Variants in ANK2 observed in about 807,000 individuals in gnomAD.
ANK2 encodes ankyrin 2, also known as ankyrin-2.
In ANK2, 83 loss-of-function variants were observed where a neutral mutation model predicts 360.5. The observed-to-expected ratio is 0.23, with a 90% confidence interval of 0.19 to 0.28. The LOEUF (loss-of-function observed/expected upper bound fraction) is 0.28. Among genes scored for constraint, ANK2 ranks in the 10% least tolerant of loss-of-function variants. The pLI is 1.00. For missense variants in ANK2, 4,201 were observed against 4,795.7 expected, an observed-to-expected ratio of 0.88 and a Z score of 3.66; for synonymous variants, 1,740 against 1,759.5, an observed-to-expected ratio of 0.99 and a Z score of 0.28.
the ANK2 span, among the ~76,000 whole-genome samples, chr4:112,786,551 C>T: frequency 6.6e-6 from 1 of 151,846 alleles, no homozygotes; most frequent in Admixed American, 6.6e-5. Context: ...TGTGCACCAC[C>T]ACACCCAGCT....
rs1197349405 is a variant in ANK2 at position 113,353,159 on chromosome 4, T to C, written c.4541T>C (p.Leu1514Ser). 6.2e-7 allele frequency: 1 copy of C among 1,614,068 alleles called. No homozygotes were observed. Residue 1514 changes from leucine (L) to serine (S), a missense_variant, in exon 38 of 46, where the codon TTG becomes TCG. This residue lies in a region of ANK2 where 1,268 missense variants were observed against 1,650.8 expected (regional missense o/e 0.77). Transcript: ENST00000357077. ...LSEVSEMKQD[L>S]IKMTAILTTD... ...GAAGTTTCTGAGATGAAACAAGATT[T>C]GATCAAAATGACCGCCATCTTGACC...
chr4:113,150,934 A>G (rs1220579296), intron 1 of ANK2: 2 of 514,942 alleles, frequency 3.9e-6, no homozygotes, highest in Non-Finnish European at 6.1e-6. Flanking sequence ...ATTAGGTTGT[A>G]GTCTGCATAT....
chr4:112,767,082 C>T, the ANK2 span, among the ~76,000 whole-genome samples: 2 of 152,204 alleles, frequency 1.3e-5, no homozygotes, highest in African/African-American at 2.4e-5. Flanking sequence ...AGCATCATCT[C>T]TTTCTTACCA....
At chr4:112,833,252 C>T (rs183454857) in intron 1 of ANK2, among the ~76,000 whole-genome samples, 49 of 152,300 alleles carry the variant, frequency 3.2e-4, no homozygotes, top group African/African-American at 1.0e-3. Context: ...GGAAATAATA[C>T]GCTGAAATGC....
chr4:113,333,086 C>G lies in ANK2; in HGVS notation c.3257C>G (p.Ala1086Gly), dbSNP rs2153942379. The change falls in exon 29 of 46, where the codon GCC (alanine) becomes GGC (glycine). Residue 1086 changes from alanine to glycine, a missense_variant. Around this residue, in one of 4 missense-constraint regions of ANK2, gnomAD observed 1,268 missense variants for 1,650.8 expected, o/e 0.77. Coordinates refer to ENST00000357077, the MANE Select transcript of ANK2 (RefSeq NM_001148.6). ...PVIVEIPHFAALRGKERELVV... is the reference protein window; with the variant it reads ...PVIVEIPHFAGLRGKERELVV... ...ATCGTGGAGATCCCTCACTTTGCGG[C>G]CCTTCGAGGAAAGGAAAGGGAACTG... is the stretch of plus-strand genomic sequence containing the variant. 6.2e-7 allele frequency: 1 copy of G among 1,614,110 alleles called. No individual in the cohort carries two copies. Among genetic ancestry groups the G allele is most frequent in the South Asian group, 1.1e-5 (1 of 91,080 alleles).
intron 23 of ANK2, among the ~76,000 whole-genome samples, chr4:113,307,754 G>T (rs2077968004): frequency 6.6e-6 from 1 of 152,058 alleles, no homozygotes; most frequent in African/African-American, 2.4e-5. Flanking sequence ...GTCCTACAGG[G>T]GTTAAATATA....
intron 2 of ANK2, among the ~76,000 whole-genome samples, chr4:112,916,128 G>T (rs928364003): frequency 2.6e-5 from 4 of 152,136 alleles, no homozygotes; most frequent in African/African-American, 9.7e-5. Flanking sequence ...GCTTAAACAG[G>T]ACCATTTACT....
chr4:113,010,106 C>T (rs941409993), intron 2 of ANK2, among the ~76,000 whole-genome samples: 1 of 152,006 alleles, frequency 6.6e-6, no homozygotes, highest in Non-Finnish European at 1.5e-5. Context: ...TTTTATTTTG[C>T]CTGGTTTCTC....
rs186892696 is a variant in ANK2, at chr4:113,343,744, C to T, written c.4248+602C>T. 7.2e-5 allele frequency among the ~76,000 whole-genome samples: 11 copies of T among 152,232 alleles called. 1 individual carries two copies. The East Asian group carries it at 2.1e-3, about 29-fold the overall frequency. ...TTAGATTCCAATCTAAAAGGGACCA[C>T]ATATGAAGGAATAAGAGATTCAGGA... is the stretch of plus-strand genomic sequence containing the variant. On this transcript the variant is annotated intron_variant, in intron 34 of 45. Coordinates refer to ENST00000357077, the MANE Select transcript of ANK2 (RefSeq NM_001148.6).
intron 2 of ANK2, among the ~76,000 whole-genome samples, chr4:113,028,122 C>T: frequency 6.6e-6 from 1 of 151,862 alleles, no homozygotes; most frequent in East Asian, 1.9e-4. Context: ...TGCACATTTG[C>T]TTGTATCTAG....
intron 31 of ANK2, among the ~76,000 whole-genome samples, chr4:113,337,191 G>GA (rs930286581): frequency 1.1e-4 from 16 of 151,896 alleles, no homozygotes; most frequent in Admixed American, 9.2e-4. Context: ...AATCTGCTGG[G>GA]AAAAAAAATA....
chr4:112,999,045 A>G (rs1578681023), intron 2 of ANK2, among the ~76,000 whole-genome samples: 1 of 152,320 alleles, frequency 6.6e-6, no homozygotes, highest in Admixed American at 6.5e-5. Context: ...TAATGTATTT[A>G]AATATATTAA....
At chr4:113,002,204 A>G (rs903923899) in intron 2 of ANK2, among the ~76,000 whole-genome samples, 5 of 152,070 alleles carry the variant, frequency 3.3e-5, no homozygotes, top group Non-Finnish European at 7.4e-5. Context: ...CAGCCATCCC[A>G]TTACTGGGTA....
At chr4:113,071,711 T>C (rs1287363493) in intron 1 of ANK2, 1 of 152,462 alleles carries the variant, frequency 6.6e-6, no homozygotes, top group East Asian at 1.9e-4. Context: ...ATCTGCACCA[T>C]AGGGCCAGAG....
intron 26 of ANK2, 24 bp from the exon 27 acceptor site, chr4:113,330,222 C>A (rs777864279): frequency 5.0e-6 from 8 of 1,601,814 alleles, no homozygotes; most frequent in Non-Finnish European, 6.8e-6. Context: ...CAAAACATAT[C>A]TAATCTTCTA....
intron 1 of ANK2, among the ~76,000 whole-genome samples, chr4:113,156,017 G>A (rs1164296282): frequency 2.9e-4 from 44 of 151,602 alleles, no homozygotes; most frequent in Non-Finnish European, 1.5e-5. Flanking sequence ...TGCCTACAGT[G>A]TGTGCCAAAA....
At chr4:113,310,470 G>T (rs2079345287) in intron 23 of ANK2, among the ~76,000 whole-genome samples, 1 of 152,024 alleles carries the variant, frequency 6.6e-6, no homozygotes, top group South Asian at 2.1e-4. Flanking sequence ...AGGCTGGAGT[G>T]CAGTGGTGCA....
chr4:113,025,836 T>C (rs1211504502), intron 2 of ANK2, among the ~76,000 whole-genome samples: 2 of 152,156 alleles, frequency 1.3e-5, no homozygotes, highest in Non-Finnish European at 2.9e-5. Context: ...GTAGTATAAC[T>C]AATGTGGAGG....
chr4:113,335,902 G>A lies in ANK2; in HGVS notation c.3436G>A (p.Asp1146Asn), dbSNP rs2153958022. ...ACGAATCTGCCGCATCATCACCCGA[G>A]ACTTCCCACAGTACTTTGCAGTGGT... ...KKRICRIITR[D>N]FPQYFAVVSR... Residue 1146 changes from aspartate to asparagine, a missense_variant, in exon 30 of 46, where the codon GAC (aspartate) becomes AAC (asparagine). This residue lies in a region of ANK2 where 1,268 missense variants were observed against 1,650.8 expected (regional missense o/e 0.77). Transcript: ENST00000357077. 1 of 1,614,174 alleles carries A rather than the reference G, an allele frequency of 6.2e-7. No homozygotes were observed. Among genetic ancestry groups the A allele is most frequent in the Non-Finnish European group, 8.5e-7 (1 of 1,180,026 alleles).
Sources: allele counts gnomAD v4.1 joint callset (sites outside exome capture counted in the v4.1 genomes callset), GRCh38; gene constraint gnomAD v4.1.1; regional missense constraint gnomAD v4.1.1; transcripts MANE v1.5; gene names NCBI Gene and HGNC (gene_info 2026-07-23, HGNC 2026-07-21).